The following SYN3 variants were observed in gnomAD, a reference collection of about 807,000 sequenced individuals.
SYN3 encodes the protein synapsin III.
In SYN3, 35 loss-of-function variants were observed where a neutral mutation model predicts 65.8. That is an observed-to-expected ratio of 0.53 (90% CI 0.41 to 0.70). The LOEUF is 0.70. Ranked by LOEUF, SYN3 falls within the 30% of genes least tolerant of loss-of-function variation. SYN3 has a pLI of 0.00. For synonymous variants in SYN3, 270 were observed against 292.9 expected (o/e 0.92, Z 0.80); for missense variants, 680 against 749.0 (o/e 0.91, Z 1.08).
chr22:32,560,745 G>A (rs1227690865), intron 7 of SYN3, among the ~76,000 whole-genome samples: 2 of 152,094 alleles, frequency 1.3e-5, no homozygotes, highest in Non-Finnish European at 2.9e-5. Flanking sequence ...TTCAAGCAAG[G>A]GGGATCACAT....
At chr22:32,593,978 T>C (rs950166983) in intron 7 of SYN3, among the ~76,000 whole-genome samples, 1 of 151,928 alleles carries the variant, frequency 6.6e-6, no homozygotes, top group African/African-American at 2.4e-5. Context: ...GACAGAAGGA[T>C]GGCCAGCCAC....
intron 10 of SYN3, among the ~76,000 whole-genome samples, chr22:32,530,478 C>G (rs1359425090): frequency 6.6e-6 from 1 of 152,164 alleles, no homozygotes; most frequent in Non-Finnish European, 1.5e-5. Context: ...AACAGCACAC[C>G]AGGGTAGGAA....
chr22:33,053,716 G>A (rs561373738), intron 1 of SYN3, among the ~76,000 whole-genome samples: 14 of 152,232 alleles, frequency 9.2e-5, no homozygotes, highest in African/African-American at 2.9e-4. Context: ...TCTCTTGGAA[G>A]CCTTCCCCAA....
intron 7 of SYN3, among the ~76,000 whole-genome samples, chr22:32,582,844 C>T (rs886494249): frequency 3.9e-5 from 6 of 152,202 alleles, no homozygotes; most frequent in Non-Finnish European, 5.9e-5. Context: ...GATCCATTAT[C>T]TGTTAGAGTG....
At chr22:32,935,759 T>C (rs1169715152) in intron 3 of SYN3, among the ~76,000 whole-genome samples, 1 of 152,212 alleles carries the variant, frequency 6.6e-6, no homozygotes, top group East Asian at 1.9e-4. Context: ...GCTGGTGGGA[T>C]AACATTTTAA....
intron 4 of SYN3, among the ~76,000 whole-genome samples, chr22:32,913,864 G>A (rs1050042588): frequency 6.6e-6 from 1 of 152,192 alleles, no homozygotes; most frequent in Non-Finnish European, 1.5e-5. Context: ...AATAAAAATA[G>A]CAAAAGTCTC....
intron 4 of SYN3, among the ~76,000 whole-genome samples, chr22:32,917,438 G>T (rs1007732916): frequency 6.6e-6 from 1 of 152,114 alleles, no homozygotes; most frequent in Non-Finnish European, 1.5e-5. Flanking sequence ...GAAGTACTGG[G>T]TACCCAACAG....
At chr22:32,640,822 G>A (rs1454250420) in intron 6 of SYN3, among the ~76,000 whole-genome samples, 1 of 152,066 alleles carries the variant, frequency 6.6e-6, no homozygotes. Context: ...AGCGGAGATC[G>A]TGTCACTGCA....
intron 1 of SYN3, among the ~76,000 whole-genome samples, chr22:33,007,739 T>C (rs1275802454): frequency 6.6e-6 from 1 of 152,178 alleles, no homozygotes; most frequent in East Asian, 1.9e-4. Context: ...TAAGTACCTG[T>C]TGTTTAACTC....
intron 6 of SYN3, among the ~76,000 whole-genome samples, chr22:32,676,222 G>C (rs2060439067): frequency 6.6e-6 from 1 of 150,810 alleles, no homozygotes; most frequent in South Asian, 2.1e-4. Flanking sequence ...GAAGTTCTGG[G>C]TGATGTCCAC....
intron 4 of SYN3, among the ~76,000 whole-genome samples, chr22:32,917,079 G>C (rs1197681851): frequency 2.0e-5 from 3 of 152,308 alleles, no homozygotes; most frequent in South Asian, 2.1e-4. Context: ...AACATTCAGA[G>C]AGCATTCACT....
chr22:32,666,295 T>A (rs1156800175), intron 6 of SYN3, among the ~76,000 whole-genome samples: 1 of 152,128 alleles, frequency 6.6e-6, no homozygotes, highest in East Asian at 1.9e-4. Context: ...TCAAAACCTC[T>A]CAATAGTTTC....
At chr22:32,715,421 G>A (rs1295827060) in intron 6 of SYN3, among the ~76,000 whole-genome samples, 2 of 152,166 alleles carry the variant, frequency 1.3e-5, no homozygotes. Flanking sequence ...TTTGGGAATT[G>A]CTGATGTGAA....
intron 6 of SYN3, among the ~76,000 whole-genome samples, chr22:32,698,055 ACC>A (rs2060761584): frequency 6.6e-6 from 1 of 151,986 alleles, no homozygotes; most frequent in Admixed American, 6.6e-5. Context: ...ACCCTAGCTG[ACC>A]CCAGATTCAT....
At chr22:32,516,366 T>TATTC (rs2057776082) in intron 13 of SYN3, among the ~76,000 whole-genome samples, 1 of 151,444 alleles carries the variant, frequency 6.6e-6, no homozygotes, top group Non-Finnish European at 1.5e-5. Context: ...TTTATTTATT[T>TATTC]ATTTATTTAT....
chr22:32,828,689 A>G (rs1435823181), intron 6 of SYN3, among the ~76,000 whole-genome samples: 1 of 152,166 alleles, frequency 6.6e-6, no homozygotes, highest in Non-Finnish European at 1.5e-5. Flanking sequence ...AGGTTTCCCA[A>G]TCCAGCGGGA....
chr22:32,531,163 A>G (rs1041206615), intron 10 of SYN3, among the ~76,000 whole-genome samples: 3 of 149,942 alleles, frequency 2.0e-5, no homozygotes, highest in Non-Finnish European at 4.5e-5. Context: ...AAAAAAAAAA[A>G]AAAAAAAAAA....
chr22:32,619,415 T>A (rs1449010255), intron 6 of SYN3, among the ~76,000 whole-genome samples: 1 of 152,144 alleles, frequency 6.6e-6, no homozygotes, highest in Non-Finnish European at 1.5e-5. Flanking sequence ...AGGTTTTGAA[T>A]TGGGTCAGAT....
At chr22:32,781,948 A>C (rs971151713) in intron 6 of SYN3, among the ~76,000 whole-genome samples, 1 of 152,150 alleles carries the variant, frequency 6.6e-6, no homozygotes, top group Non-Finnish European at 1.5e-5. Context: ...TTCGCAATGA[A>C]GTTTTCCTTC....
Sources: gnomAD v4.1 joint callset for allele counts (sites outside exome capture counted in the v4.1 genomes callset) on GRCh38, gnomAD v4.1.1 for gene constraint, MANE v1.5 for transcripts, NCBI Gene and HGNC (gene_info 2026-07-23, HGNC 2026-07-21) for gene names.